The following BICC1 variants were observed in gnomAD, a reference collection of about 807,000 sequenced individuals.
The protein encoded by BICC1 is protein bicaudal C homolog 1.
Under a neutral mutation model 111.0 loss-of-function variants are expected in BICC1, and 43 were observed. The observed-to-expected ratio is 0.39, with a 90% CI of 0.30 to 0.50. The LOEUF is 0.50. Among genes scored for constraint, BICC1 ranks in the 20% least tolerant of loss-of-function variants. The pLI is 0.88. For missense variants in BICC1, 1,091 were observed against 1,203.2 expected, an observed-to-expected ratio of 0.91 and a Z score of 1.38; for synonymous variants, 467 against 434.4, an observed-to-expected ratio of 1.07 and a Z score of -0.93.
intron 2 of BICC1, among the ~76,000 whole-genome samples, chr10:58,663,603 A>C (rs1163261439): frequency 6.6e-6 from 1 of 152,160 alleles, no homozygotes; most frequent in East Asian, 1.9e-4. Flanking sequence ...CGGCAGCATT[A>C]GATTCTCATA....
intron 18 of BICC1, among the ~76,000 whole-genome samples, chr10:58,814,618 T>TAAAA (rs35500718): frequency 8.7e-6 from 1 of 114,776 alleles, no homozygotes; most frequent in Non-Finnish European, 1.8e-5. Context: ...TCATCTCTAC[T>TAAAA]AAAAAAAAAA....
At chr10:58,539,825 AATAG>A (rs1447361583) in intron 1 of BICC1, among the ~76,000 whole-genome samples, 2 of 151,930 alleles carry the variant, frequency 1.3e-5, no homozygotes, top group Admixed American at 1.3e-4. Flanking sequence ...AAAACAGCAG[AATAG>A]ATAGTCTTTT....
At chr10:58,728,910 A>T (rs1404766424) in intron 3 of BICC1, among the ~76,000 whole-genome samples, 1 of 152,082 alleles carries the variant, frequency 6.6e-6, no homozygotes, top group Non-Finnish European at 1.5e-5. Flanking sequence ...TTTTCTGAGC[A>T]GTAAGTCTCA....
chr10:58,516,458 G>T (rs1049216000), intron 1 of BICC1, among the ~76,000 whole-genome samples: 12 of 151,054 alleles, frequency 7.9e-5, no homozygotes, highest in African/African-American at 2.9e-4. Flanking sequence ...AAAACCACCA[G>T]GCCAACAATG....
intron 3 of BICC1, among the ~76,000 whole-genome samples, chr10:58,738,214 G>A (rs1387732596): frequency 6.6e-6 from 1 of 152,104 alleles, no homozygotes; most frequent in Non-Finnish European, 1.5e-5. Context: ...GGGTTTTTAT[G>A]GTTTTAGGTC....
chr10:58,774,121 T>C (rs889899694), intron 3 of BICC1, among the ~76,000 whole-genome samples: 1 of 152,212 alleles, frequency 6.6e-6, no homozygotes, highest in African/African-American at 2.4e-5. Flanking sequence ...TCCATGACAG[T>C]TAACCCCATC....
At chr10:58,598,427 AAT>A (rs1260790400) in intron 1 of BICC1, among the ~76,000 whole-genome samples, 4 of 152,150 alleles carry the variant, frequency 2.6e-5, no homozygotes, top group African/African-American at 9.7e-5. Flanking sequence ...CTATTTAATA[AAT>A]GTTGTTGGGA....
intron 17 of BICC1, among the ~76,000 whole-genome samples, chr10:58,810,789 A>G (rs562664306): frequency 5.0e-4 from 76 of 152,306 alleles, no homozygotes; most frequent in African/African-American, 1.8e-3. Flanking sequence ...AGAGTAGCTA[A>G]AAACACCTTC....
chr10:58,680,568 A>G (rs1839486416), intron 2 of BICC1, among the ~76,000 whole-genome samples: 1 of 152,242 alleles, frequency 6.6e-6, no homozygotes, highest in South Asian at 2.1e-4. Context: ...ATGGATAGGA[A>G]GAATCAATAT....
intron 1 of BICC1, among the ~76,000 whole-genome samples, chr10:58,596,946 A>G (rs1844835403): frequency 6.6e-6 from 1 of 152,230 alleles, no homozygotes; most frequent in Non-Finnish European, 1.5e-5. Flanking sequence ...CATGGATAGG[A>G]AGAATCAATA....
chr10:58,614,627 A>G (rs1845541382), intron 1 of BICC1, among the ~76,000 whole-genome samples: 1 of 152,132 alleles, frequency 6.6e-6, no homozygotes, highest in African/African-American at 2.4e-5. Context: ...GTTTAGGTCT[A>G]ACTTAGGAAA....
chr10:58,625,686 CA>C (rs1471211690), intron 2 of BICC1, among the ~76,000 whole-genome samples: 1 of 152,110 alleles, frequency 6.6e-6, no homozygotes, highest in Non-Finnish European at 1.5e-5. Flanking sequence ...TGTTTTTAGA[CA>C]AACATTACTT....
intron 2 of BICC1, among the ~76,000 whole-genome samples, chr10:58,671,709 CT>C (rs1470719584): frequency 6.6e-6 from 1 of 152,120 alleles, no homozygotes; most frequent in Non-Finnish European, 1.5e-5. Flanking sequence ...AGAATTGATA[CT>C]TCTTGAAAGA....
intron 17 of BICC1, among the ~76,000 whole-genome samples, chr10:58,810,058 C>T (rs1843851729): frequency 6.6e-6 from 1 of 152,196 alleles, no homozygotes; most frequent in Non-Finnish European, 1.5e-5. Flanking sequence ...GTGTTTTCAG[C>T]AAGAACCTAG....
intron 1 of BICC1, among the ~76,000 whole-genome samples, chr10:58,536,285 T>C (rs1842824534): frequency 6.6e-6 from 1 of 151,762 alleles, no homozygotes; most frequent in South Asian, 2.1e-4. Context: ...ATTCTTCTTA[T>C]CAGCACATGG....
chr10:58,693,645 T>C (rs538390145), intron 2 of BICC1, among the ~76,000 whole-genome samples: 2 of 152,080 alleles, frequency 1.3e-5, no homozygotes, highest in East Asian at 3.9e-4. Context: ...GTCTTTTGGC[T>C]GCATAAATGT....
chr10:58,817,500 TA>T, intron 18 of BICC1, 61 bp from the exon 19 acceptor site: 1 of 1,583,654 alleles, frequency 6.3e-7, no homozygotes, highest in Non-Finnish European at 8.7e-7. Context: ...TTAAAACTTT[TA>T]ATTAAACCAT....
At chr10:58,658,071 C>G (rs1238576137) in intron 2 of BICC1, among the ~76,000 whole-genome samples, 1 of 152,144 alleles carries the variant, frequency 6.6e-6, no homozygotes, top group African/African-American at 2.4e-5. Flanking sequence ...AGTTTTTTCA[C>G]TACGACACCA....
chr10:58,581,890 A>C (rs975191974), intron 1 of BICC1, among the ~76,000 whole-genome samples: 4 of 152,122 alleles, frequency 2.6e-5, no homozygotes, highest in African/African-American at 9.7e-5. Context: ...TTTAATCATC[A>C]AATTCCTCTC....
Sources: allele counts gnomAD v4.1 joint callset (sites outside exome capture counted in the v4.1 genomes callset), GRCh38; gene constraint gnomAD v4.1.1; transcripts MANE v1.5; gene names NCBI Gene and HGNC (gene_info 2026-07-23, HGNC 2026-07-21).